The following LRRC8D variants were observed in gnomAD, a reference collection of about 807,000 sequenced individuals.
LRRC8D encodes leucine rich repeat containing 8 VRAC subunit D.
Under a neutral mutation model 55.8 loss-of-function variants are expected in LRRC8D, and 20 were observed. That is an observed-to-expected ratio of 0.36 (90% CI 0.25 to 0.52). LRRC8D has a LOEUF of 0.52. Ranked by LOEUF, LRRC8D falls within the 20% of genes least tolerant of loss-of-function variation. LRRC8D has a pLI of 0.93. For missense variants in LRRC8D, 651 were observed against 1,030.8 expected, an observed-to-expected ratio of 0.63 and a Z score of 5.05; for synonymous variants, 352 against 377.0, an observed-to-expected ratio of 0.93 and a Z score of 0.77.
At chr1:89,928,721 G>A (rs1663629394) in intron 2 of LRRC8D, among the ~76,000 whole-genome samples, 1 of 152,190 alleles carries the variant, frequency 6.6e-6, no homozygotes, top group Non-Finnish European at 1.5e-5. Flanking sequence ...CTGGGAAGGT[G>A]GACAGCCTCT....
At chr1:89,824,097 C>T (rs994274300) in intron 1 of LRRC8D, among the ~76,000 whole-genome samples, 8 of 152,166 alleles carry the variant, frequency 5.3e-5, no homozygotes, top group African/African-American at 1.9e-4. Context: ...GTGCTGCTGT[C>T]ATCTAGTGGC....
chr1:89,878,630 A>C (rs914047854), intron 2 of LRRC8D, among the ~76,000 whole-genome samples: 1 of 152,166 alleles, frequency 6.6e-6, no homozygotes, highest in Non-Finnish European at 1.5e-5. Flanking sequence ...TACAGTCTGA[A>C]ACTTTAGTCA....
At chr1:89,930,595 T>A (rs754061864) in intron 2 of LRRC8D, among the ~76,000 whole-genome samples, 1 of 152,066 alleles carries the variant, frequency 6.6e-6, no homozygotes, top group Non-Finnish European at 1.5e-5. Context: ...TTGAAAGAAC[T>A]ATTACATGCA....
intron 2 of LRRC8D, among the ~76,000 whole-genome samples, chr1:89,868,353 G>T (rs1007797311): frequency 6.6e-6 from 1 of 152,112 alleles, no homozygotes; most frequent in Admixed American, 6.5e-5. Flanking sequence ...AACAGGCTGC[G>T]CAAACCGTCC....
intron 2 of LRRC8D, among the ~76,000 whole-genome samples, chr1:89,916,585 A>T (rs574823205): frequency 1.3e-5 from 2 of 152,332 alleles, no homozygotes; most frequent in South Asian, 4.1e-4. Context: ...TTAAGTCTTC[A>T]TTACGCTTTA....
intron 2 of LRRC8D, among the ~76,000 whole-genome samples, chr1:89,884,376 G>A (rs1313132476): frequency 2.0e-5 from 3 of 152,200 alleles, no homozygotes; most frequent in Non-Finnish European, 4.4e-5. Flanking sequence ...CCTAACATCT[G>A]TTCAGCACTT....
chr1:89,860,829 G>A (rs1160270510), intron 2 of LRRC8D, among the ~76,000 whole-genome samples: 1 of 103,454 alleles, frequency 9.7e-6, no homozygotes. Context: ...GACGCATTTT[G>A]TACGTATTTT....
At chr1:89,843,449 C>T (rs1323667090) in intron 1 of LRRC8D, 189 bp from the exon 2 acceptor site, 1 of 388,718 alleles carries the variant, frequency 2.6e-6, no homozygotes, top group Non-Finnish European at 4.5e-6. Context: ...GAGGCCGCGC[C>T]ACCTCGGCAC....
chr1:89,826,075 C>T (rs1158654453), intron 1 of LRRC8D, among the ~76,000 whole-genome samples: 1 of 152,092 alleles, frequency 6.6e-6, no homozygotes, highest in Non-Finnish European at 1.5e-5. Context: ...AAGGATATTC[C>T]AATGAAAAGA....
intron 2 of LRRC8D, among the ~76,000 whole-genome samples, chr1:89,924,453 T>TA (rs1369449084): frequency 6.6e-6 from 1 of 152,204 alleles, no homozygotes; most frequent in East Asian, 1.9e-4. Flanking sequence ...AGAAAACACT[T>TA]ACGCACTGCT....
intron 2 of LRRC8D, among the ~76,000 whole-genome samples, chr1:89,906,024 A>T (rs982367545): frequency 9.2e-5 from 14 of 152,206 alleles, no homozygotes; most frequent in Admixed American, 6.5e-4. Context: ...GTATTTGAAC[A>T]GTTGTCCTTC....
At position 89,935,792 on chromosome 1, in the gene LRRC8D, G is replaced by T; in HGVS notation, c.*147G>T. On this transcript the variant is annotated 3_prime_UTR_variant, in exon 3 of 3. Transcript: ENST00000337338. ...GAGGATGCATAGAAGGCTGATAGAA[G>T]ACATAACTGAATGTTCAATGTTTGT... The T allele has an allele frequency of 1.5e-6, 1 of 655,988 alleles. No individual in the cohort carries two copies. The highest frequency in any genetic ancestry group is 2.6e-6 in the Non-Finnish European group (1 of 388,620). The allele number at this position is 655,988 out of a possible 1,614,324, so 40.6% of individuals were successfully genotyped here. A position where few individuals can be genotyped will look rare whatever the true frequency, so the allele number is the denominator to read the frequency against.
rs561657436 is a variant in LRRC8D, at chr1:89,904,059, C to A, written c.-2-29008C>A. On this transcript the variant is annotated intron_variant, in intron 2 of 2. Coordinates refer to ENST00000337338, the MANE Select transcript of LRRC8D (RefSeq NM_001134479.2). ...AACTTCCCCCTACTCAGGATTCAAG[C>A]CAGTTCTGTCCAAGGACAAACCAGA... is the stretch of plus-strand genomic sequence containing the variant. Among the ~76,000 whole-genome samples the A allele has an allele frequency of 1.1e-4, 16 of 152,314 alleles. No homozygotes were observed. The South Asian group carries it at 3.3e-3, about 32-fold the overall frequency.
chr1:89,844,749 T>C (rs553818198), intron 2 of LRRC8D, among the ~76,000 whole-genome samples: 63 of 152,310 alleles, frequency 4.1e-4, no homozygotes, highest in Non-Finnish European at 7.6e-4. Flanking sequence ...ATAACTCAGA[T>C]TGACTTCTCC....
chr1:89,854,176 G>T (rs1453789538), intron 2 of LRRC8D, among the ~76,000 whole-genome samples: 1 of 152,206 alleles, frequency 6.6e-6, no homozygotes, highest in Non-Finnish European at 1.5e-5. Context: ...GAAAGAAGTT[G>T]AGAAAGTTTG....
rs1362115512 is a variant in LRRC8D, at chr1:89,878,154, A to C, written c.-3+34372A>C. ...TTACTAATTAGTTCCATAGACTTGC[A>C]GTGGATAAACAATATCACTTAAAAA... is the stretch of plus-strand genomic sequence containing the variant. On this transcript the variant is annotated intron_variant, in intron 2 of 2. Coordinates refer to ENST00000337338, the MANE Select transcript of LRRC8D (RefSeq NM_001134479.2). Among the ~76,000 whole-genome samples, 3 of 152,234 alleles carry C rather than the reference A, an allele frequency of 2.0e-5. No homozygotes were observed. The East Asian group carries it at 5.8e-4, about 29-fold the overall frequency.
intron 2 of LRRC8D, among the ~76,000 whole-genome samples, chr1:89,922,558 T>C (rs1173936531): frequency 1.3e-5 from 2 of 152,248 alleles, no homozygotes; most frequent in Non-Finnish European, 2.9e-5. Flanking sequence ...TTTTCTTTTT[T>C]AAATTCAGAT....
intron 2 of LRRC8D, among the ~76,000 whole-genome samples, chr1:89,885,960 C>T (rs1662408080): frequency 6.6e-6 from 1 of 152,174 alleles, no homozygotes; most frequent in Admixed American, 6.5e-5. Context: ...GCTTGGTCTT[C>T]ACAATGTAAA....
chr1:89,855,191 C>CT (rs1359561622), intron 2 of LRRC8D, among the ~76,000 whole-genome samples: 7 of 152,236 alleles, frequency 4.6e-5, no homozygotes, highest in Non-Finnish European at 1.0e-4. Flanking sequence ...CTTAAGAGTC[C>CT]TTTCTCCTTT....
Sources: allele counts gnomAD v4.1 joint callset (sites outside exome capture counted in the v4.1 genomes callset), GRCh38; gene constraint gnomAD v4.1.1; transcripts MANE v1.5; gene names NCBI Gene and HGNC (gene_info 2026-07-23, HGNC 2026-07-21).